Variants in PXYLP1 observed in about 807,000 individuals in gnomAD.
PXYLP1 encodes 2-phosphoxylose phosphatase 1.
In PXYLP1, 17 loss-of-function variants were observed where a neutral mutation model predicts 37.9. That is an observed-to-expected ratio of 0.45 (90% CI 0.31 to 0.67). PXYLP1 has a LOEUF of 0.67. PXYLP1 is among the 30% of genes least tolerant of loss of function. The pLI is 0.07. For synonymous variants in PXYLP1, 221 were observed against 232.2 expected (o/e 0.95, Z 0.44); for missense variants, 511 against 612.0 (o/e 0.84, Z 1.74).
chr3:141,267,465 A>G (rs974143680), intron 2 of PXYLP1: 1 of 152,192 alleles, frequency 6.6e-6, no homozygotes, highest in East Asian at 1.9e-4. Context: ...CCATCTCTTC[A>G]TTGTGACCAA....
At position 141,278,385 on chromosome 3, in the gene PXYLP1, C is replaced by T. The variant is rs1249032027; in HGVS notation, c.123C>T (p.Ser41=). ...CGACTCCTAAGAATGGAATGAGTAG[C>T]AAGAGTCGAAAGAGAATCATGCCCG... ...PVSTPKNGMS[S]KSRKRIMPDP... is the part of the protein sequence containing the mutation. The change falls in exon 3 of 6, where the codon AGC becomes AGT. Residue 41 remains serine (S), a synonymous_variant. Coordinates refer to ENST00000286353, the MANE Select transcript of PXYLP1 (RefSeq NM_001037172.3). 22 of 1,614,116 alleles carry T rather than the reference C, an allele frequency of 1.4e-5. No homozygotes were observed. The highest frequency in any genetic ancestry group is 1.8e-5 in the Non-Finnish European group (21 of 1,180,042).
In PXYLP1 at chr3:141,271,171, A is replaced by G. The variant is rs565141557; in HGVS notation, c.80-7171A>G. On this transcript the variant is annotated intron_variant, in intron 2 of 5. Transcript: ENST00000286353. ...CTGTAGGTATCATCACCTTCATTTG[A>G]CAGATGAAGGAAATGAGGCACAGAG... Among the ~76,000 whole-genome samples the G allele has an allele frequency of 1.3e-4, 20 of 152,298 alleles. No individual in the cohort carries two copies. In the South Asian group the frequency reaches 3.9e-3, roughly 30 times the overall value.
chr3:141,259,524 T>TA lies in PXYLP1; in HGVS notation c.-53-598dup, dbSNP rs568588962. On this transcript the variant is annotated intron_variant, in intron 1 of 5. Coordinates refer to ENST00000286353, the MANE Select transcript of PXYLP1 (RefSeq NM_001037172.3). ...ACGAGGCTTCCAGAAGACCCATGGA[T>TA]ACAGCTGAAACAGGCTTAGTGGTCC... Among the ~76,000 whole-genome samples the TA allele has an allele frequency of 3.1e-3, 473 of 152,206 alleles. 3 individuals are homozygous for TA. The highest frequency in any genetic ancestry group is 0.01 in the African/African-American group (423 of 41,518).
intron 1 of PXYLP1, chr3:141,258,490 C>T (rs1231140989): frequency 6.5e-6 from 1 of 153,344 alleles, no homozygotes; most frequent in Non-Finnish European, 1.5e-5. Flanking sequence ...TGAAAATACA[C>T]CATCAATATT....
chr3:141,278,858 G>T (rs894439094), intron 3 of PXYLP1, among the ~76,000 whole-genome samples: 2 of 152,252 alleles, frequency 1.3e-5, no homozygotes, highest in East Asian at 3.8e-4. Flanking sequence ...GCTTTTCAGG[G>T]TAGCCTCTTG....
At chr3:141,284,664 C>G (rs943658940) in intron 4 of PXYLP1, among the ~76,000 whole-genome samples, 1 of 152,174 alleles carries the variant, frequency 6.6e-6, no homozygotes, top group African/African-American at 2.4e-5. Flanking sequence ...TACATCATCT[C>G]TAGATTACTT....
In PXYLP1 at chr3:141,277,823, C is replaced by T. The variant is rs116751026; in HGVS notation, c.80-519C>T. ...AGTAAGCGTGAGACAGGCTTTCACC[C>T]ACCACACATGCCTTGGTCCTTGGCT... On this transcript the variant is annotated intron_variant, in intron 2 of 5. Transcript: ENST00000286353. Among the ~76,000 whole-genome samples the T allele has an allele frequency of 7.0e-3, 1,060 of 152,320 alleles. 11 individuals are homozygous for T. The highest frequency in any genetic ancestry group is 0.024 in the African/African-American group (981 of 41,568).
At chr3:141,273,456 T>C (rs1941716571) in intron 2 of PXYLP1, 1 of 985,280 alleles carries the variant, frequency 1.0e-6, no homozygotes, top group African/African-American at 1.7e-5. Context: ...GCTATGGGAA[T>C]GTTTACTAGT....
rs1420676058 is a variant in PXYLP1, at chr3:141,291,833, G to C, written c.506-435G>C. The C allele has an allele frequency of 1.2e-5, 2 of 166,488 alleles. 1 individual carries two copies. The highest frequency in any genetic ancestry group is 1.1e-4 in the Admixed American group (2 of 17,986). 10.3% of individuals were successfully genotyped at this position (166,488 alleles called of 1,614,324 possible). ...GCAGCAAGCAGGGAATCTGCAGTCA[G>C]CCTTCGCCTGAGCGGTTTCACTGAG... On this transcript the variant is annotated intron_variant, in intron 5 of 5. Transcript: ENST00000286353.
At chr3:141,265,473 A>G (rs1576590901) in intron 2 of PXYLP1, among the ~76,000 whole-genome samples, 4 of 152,052 alleles carry the variant, frequency 2.6e-5, no homozygotes, top group African/African-American at 7.2e-5. Flanking sequence ...AGAACTGCCA[A>G]TCCAGAGGCT....
chr3:141,268,116 G>A (rs1941566127), intron 2 of PXYLP1, among the ~76,000 whole-genome samples: 1 of 151,528 alleles, frequency 6.6e-6, no homozygotes, highest in Non-Finnish European at 1.5e-5. Context: ...TTGGAAGGTT[G>A]TGCATAATAT....
At chr3:141,275,787 C>T (rs9841326) in intron 2 of PXYLP1, among the ~76,000 whole-genome samples, 127,990 of 150,642 alleles carry the variant, frequency 0.85, 54,799 homozygotes, top group African/African-American at 0.96. Flanking sequence ...AAGGGAAATA[C>T]GTTCACTGTA....
chr3:141,240,078 T>C (rs1940758612), intron 1 of PXYLP1, among the ~76,000 whole-genome samples: 1 of 152,232 alleles, frequency 6.6e-6, no homozygotes, highest in African/African-American at 2.4e-5. Context: ...TGCGTGAAGA[T>C]AGGTGATTGC....
intron 4 of PXYLP1, 81 bp from the exon 5 acceptor site, chr3:141,287,233 G>A: frequency 1.3e-6 from 2 of 1,501,404 alleles, no homozygotes; most frequent in South Asian, 1.2e-5. Flanking sequence ...GATACACGTG[G>A]GATTTGGCTC....
Position 141,248,604 on chromosome 3 carries a change from T to TACACACGTATATATAC in PXYLP1, c.-53-11498_-53-11483dup, listed in dbSNP as rs1941033535. Reference sequence around the variant, plus strand: ...GTATATATACACACACGTGTATATATACACACGTATATATACACACACGTA... The same window carrying TACACACGTATATATAC: ...GTATATATACACACACGTGTATATATACACACGTATATATACACACACGTATATATACACACACGTA... On this transcript the variant is annotated intron_variant, in intron 1 of 5. Coordinates refer to ENST00000286353, the MANE Select transcript of PXYLP1 (RefSeq NM_001037172.3). Among the ~76,000 whole-genome samples the TACACACGTATATATAC allele has an allele frequency of 2.5e-5, 3 of 121,838 alleles. 1 individual carries two copies. The highest frequency in any genetic ancestry group is 5.2e-5 in the Non-Finnish European group (3 of 57,766). The allele number at this position is 121,838 out of a possible 152,430, so 79.9% of individuals were successfully genotyped here. A position where few individuals can be genotyped will look rare whatever the true frequency, so the allele number is the denominator to read the frequency against.
chr3:141,291,200 A>G (rs1327793718), intron 5 of PXYLP1, among the ~76,000 whole-genome samples: 1 of 152,060 alleles, frequency 6.6e-6, no homozygotes, highest in Admixed American at 6.5e-5. Context: ...TACTGTTTGG[A>G]CATCTGAATA....
At chr3:141,247,269 G>A (rs554380836) in intron 1 of PXYLP1, among the ~76,000 whole-genome samples, 1 of 152,346 alleles carries the variant, frequency 6.6e-6, no homozygotes, top group African/African-American at 2.4e-5. Context: ...TGGAGGCCAT[G>A]GGCAGTATTT....
At chr3:141,270,076 G>A (rs1036855350) in intron 2 of PXYLP1, among the ~76,000 whole-genome samples, 2 of 152,280 alleles carry the variant, frequency 1.3e-5, no homozygotes, top group African/African-American at 4.8e-5. Context: ...CAGGCTGATA[G>A]GATGTGCCCA....
At chr3:141,279,616 C>A in intron 4 of PXYLP1, 112 bp downstream of exon 4, 1 of 1,343,584 alleles carries the variant, frequency 7.4e-7, no homozygotes. Flanking sequence ...AGCCTGAGCT[C>A]AGAGCAGTCC....
Sources: allele counts gnomAD v4.1 joint callset (sites outside exome capture counted in the v4.1 genomes callset), GRCh38; gene constraint gnomAD v4.1.1; transcripts MANE v1.5; gene names NCBI Gene and HGNC (gene_info 2026-07-23, HGNC 2026-07-21).